ERP44: variants seen among roughly 807,000 people sequenced by gnomAD.
ERP44 encodes endoplasmic reticulum protein 44.
Under a neutral mutation model 53.4 loss-of-function variants are expected in ERP44, and 25 were observed. That is an observed-to-expected ratio of 0.47 (90% CI 0.34 to 0.65). ERP44 has a LOEUF of 0.65. Among genes scored for constraint, ERP44 ranks in the 30% least tolerant of loss-of-function variants. The probability of loss-of-function intolerance (pLI) is 0.01; values close to 1 mark genes in which losing one functional copy is unlikely to be tolerated. For missense variants in ERP44, 338 were observed against 493.2 expected, an observed-to-expected ratio of 0.69 and a Z score of 2.98; for synonymous variants, 145 against 161.2, an observed-to-expected ratio of 0.90 and a Z score of 0.76.
chr9:100,090,420 C>T (rs964212915), intron 1 of ERP44, among the ~76,000 whole-genome samples: 2 of 152,162 alleles, frequency 1.3e-5, no homozygotes, highest in Admixed American at 6.5e-5. Context: ...TTTTTAAAAG[C>T]TGGCATTTCC....
At chr9:99,998,733 TTTC>T in intron 10 of ERP44, 1 of 732,476 alleles carries the variant, frequency 1.4e-6, no homozygotes, top group Admixed American at 2.2e-5. Flanking sequence ...TTGCATCTCT[TTTC>T]TTTTTTCCTC....
At chr9:100,080,824 G>A (rs1457507531) in intron 1 of ERP44, among the ~76,000 whole-genome samples, 3 of 152,044 alleles carry the variant, frequency 2.0e-5, no homozygotes, top group Admixed American at 1.3e-4. Context: ...CCTTGCAAAC[G>A]TGGGTACAGG....
At chr9:100,071,889 C>G (rs1013879481) in intron 1 of ERP44, among the ~76,000 whole-genome samples, 1 of 152,136 alleles carries the variant, frequency 6.6e-6, no homozygotes, top group Non-Finnish European at 1.5e-5. Context: ...CCATTGCACT[C>G]TAGCCTGGGC....
intron 5 of ERP44, among the ~76,000 whole-genome samples, chr9:100,021,799 C>G (rs1830592481): frequency 6.6e-6 from 1 of 152,150 alleles, no homozygotes; most frequent in South Asian, 2.1e-4. Context: ...TGAGGCTTTC[C>G]TTTGTGCTCA....
chr9:100,067,325 C>T (rs1346459453), intron 1 of ERP44, among the ~76,000 whole-genome samples: 8 of 152,188 alleles, frequency 5.3e-5, no homozygotes, highest in South Asian at 2.1e-4. Context: ...CCAGTGCCTG[C>T]GACTGCAGGC....
intron 8 of ERP44, among the ~76,000 whole-genome samples, chr9:100,011,478 T>C (rs1382844761): frequency 6.6e-6 from 1 of 152,204 alleles, no homozygotes; most frequent in East Asian, 1.9e-4. Flanking sequence ...ATGAGAATTA[T>C]GTATATACTA....
chr9:100,033,087 T>G (rs1825809493), intron 4 of ERP44, among the ~76,000 whole-genome samples: 1 of 152,254 alleles, frequency 6.6e-6, no homozygotes, highest in South Asian at 2.1e-4. Context: ...CATATTTGTT[T>G]CTACCTGATT....
chr9:100,012,648 C>T (rs544885380), intron 8 of ERP44, among the ~76,000 whole-genome samples: 1 of 152,068 alleles, frequency 6.6e-6, no homozygotes, highest in Non-Finnish European at 1.5e-5. Flanking sequence ...ATGTACCATG[C>T]TGACATAAAA....
At chr9:100,069,103 AAG>A (rs1826270474) in intron 1 of ERP44, among the ~76,000 whole-genome samples, 1 of 151,990 alleles carries the variant, frequency 6.6e-6, no homozygotes. Flanking sequence ...CATGCTCCTT[AAG>A]AGTCATCACC....
intron 10 of ERP44, among the ~76,000 whole-genome samples, chr9:99,986,377 C>A (rs949176959): frequency 6.6e-6 from 1 of 151,998 alleles, no homozygotes; most frequent in African/African-American, 2.4e-5. Context: ...GAATTTATAT[C>A]TCTGCTCATA....
Position 100,098,855 on chromosome 9 carries a change from C to T in ERP44, c.-15G>A, listed in dbSNP as rs757824280. ...GCAGGATGCATGGTAACGCTGGGGT[C>T]CGTGACAGGGACAGGCGCTGGCGGC... On this transcript the variant is annotated 5_prime_UTR_variant, in exon 1 of 12. Coordinates refer to ENST00000262455, the MANE Select transcript of ERP44 (RefSeq NM_015051.3). 6.2e-7 allele frequency: 1 copy of T among 1,612,118 alleles called. No homozygotes were observed. Among genetic ancestry groups the T allele is most frequent in the Non-Finnish European group, 8.5e-7 (1 of 1,178,760 alleles).
intron 4 of ERP44, among the ~76,000 whole-genome samples, chr9:100,042,917 T>C (rs1166828199): frequency 1.3e-5 from 2 of 151,672 alleles, no homozygotes; most frequent in South Asian, 2.1e-4. Flanking sequence ...GTGGAAAGGG[T>C]AGTCGAGGGT....
At chr9:100,060,284 A>T (rs1460660950) in intron 1 of ERP44, 112 bp from the exon 2 acceptor site, 2 of 1,113,570 alleles carry the variant, frequency 1.8e-6, no homozygotes, top group Admixed American at 4.5e-5. Flanking sequence ...AAAATTATAC[A>T]TCAATTGAAT....
chr9:100,030,328 A>C (rs1587968446), intron 4 of ERP44, among the ~76,000 whole-genome samples: 2 of 152,028 alleles, frequency 1.3e-5, no homozygotes, highest in Non-Finnish European at 2.9e-5. Flanking sequence ...ATATTGAGGA[A>C]ACCCCCAACC....
chr9:100,060,300 CTT>C, intron 1 of ERP44, 128 bp from the exon 2 acceptor site: 1 of 1,025,156 alleles, frequency 9.8e-7, no homozygotes, highest in East Asian at 3.7e-5. Context: ...TGAATTGAAT[CTT>C]TATTATCTAG....
chr9:100,054,595 G>C (rs1180837585), intron 3 of ERP44, among the ~76,000 whole-genome samples: 4 of 152,122 alleles, frequency 2.6e-5, no homozygotes, highest in Admixed American at 2.6e-4. Flanking sequence ...TTTGAGCACT[G>C]ACAAGATGCT....
At chr9:100,089,554 C>G (rs901586519) in intron 1 of ERP44, among the ~76,000 whole-genome samples, 1 of 131,106 alleles carries the variant, frequency 7.6e-6, no homozygotes, top group Non-Finnish European at 1.5e-5. Context: ...GCACTCCAGC[C>G]TGGGTGACAG....
At chr9:100,078,166 A>C (rs1038588362) in intron 1 of ERP44, among the ~76,000 whole-genome samples, 3 of 152,200 alleles carry the variant, frequency 2.0e-5, no homozygotes, top group Non-Finnish European at 4.4e-5. Context: ...GTACTAAGAA[A>C]ATATCTTCAG....
At chr9:100,045,462 T>G (rs1376925001) in intron 4 of ERP44, among the ~76,000 whole-genome samples, 1 of 152,192 alleles carries the variant, frequency 6.6e-6, no homozygotes, top group Non-Finnish European at 1.5e-5. Context: ...TAAATTTTTT[T>G]GTTGTTAAAT....
Sources: allele counts gnomAD v4.1 joint callset (sites outside exome capture counted in the v4.1 genomes callset), GRCh38; gene constraint gnomAD v4.1.1; transcripts MANE v1.5; gene names NCBI Gene and HGNC (gene_info 2026-07-23, HGNC 2026-07-21).